RBL2: variants seen among roughly 807,000 people sequenced by gnomAD.
The protein encoded by RBL2 is RB transcriptional corepressor like 2, also known as retinoblastoma-like protein 2.
RBL2 carries 56 observed loss-of-function variants against 126.0 expected under a neutral mutation model. The observed-to-expected ratio is 0.44, with a 90% CI of 0.36 to 0.56. RBL2 has a LOEUF of 0.56. RBL2 is among the 20% of genes least tolerant of loss of function. RBL2 has a pLI of 0.00. For synonymous variants in RBL2, 454 were observed against 478.5 expected (o/e 0.95, Z 0.67); for missense variants, 1,229 against 1,398.2 (o/e 0.88, Z 1.93).
At chr16:53,443,974 C>T (rs150241608) in intron 3 of RBL2, among the ~76,000 whole-genome samples, 1,786 of 152,288 alleles carry the variant, frequency 0.012, 33 homozygotes, top group African/African-American at 0.039. Context: ...CTGAGCCAGG[C>T]GGGTTGGCTC....
At chr16:53,470,352 T>C (rs2058310509) in intron 15 of RBL2, 31 bp from the exon 16 acceptor site, 3 of 1,602,678 alleles carry the variant, frequency 1.9e-6, no homozygotes, top group Non-Finnish European at 2.6e-6. Context: ...ATTATCAACA[T>C]TTTCTTCATG....
At position 53,434,778 on chromosome 16, in the gene RBL2, C is replaced by T; in HGVS notation, c.222C>T (p.Ser74=). The change falls in exon 1 of 22, where the codon AGC becomes AGT. Residue 74 remains serine, a synonymous_variant. Coordinates refer to ENST00000262133, the MANE Select transcript of RBL2 (RefSeq NM_005611.4). Reference sequence around the variant, plus strand: ...CCTGGGACAGCTACCGCAGCATGAGCGAAAGCTACACGCTGGAGGTGCGCT... The same window carrying T: ...CCTGGGACAGCTACCGCAGCATGAGTGAAAGCTACACGCTGGAGGTGCGCT... The part of the protein sequence containing the change: ...AEAWDSYRSM[S]ESYTLEGNDL... 6.6e-7 allele frequency: 1 copy of T among 1,517,432 alleles called. No homozygotes were observed. The highest frequency in any genetic ancestry group is 8.8e-7 in the Non-Finnish European group (1 of 1,136,566). 94.0% of individuals were successfully genotyped at this position (1,517,432 alleles called of 1,614,324 possible). A position where few individuals can be genotyped will look rare whatever the true frequency, so the allele number is the denominator to read the frequency against.
chr16:53,483,543 G>A (rs745475970), intron 21 of RBL2, among the ~76,000 whole-genome samples: 10 of 151,634 alleles, frequency 6.6e-5, no homozygotes, highest in Non-Finnish European at 1.0e-4. Flanking sequence ...CTGTCTGTTT[G>A]GAAAAAAAAG....
intron 21 of RBL2, chr16:53,489,094 G>A (rs1294767315): frequency 6.6e-6 from 1 of 150,932 alleles, no homozygotes; most frequent in Admixed American, 6.6e-5. Context: ...ACTTGTGAAG[G>A]TACATCTGTT....
intron 21 of RBL2, among the ~76,000 whole-genome samples, chr16:53,483,667 G>A (rs541423761): frequency 6.6e-6 from 1 of 152,306 alleles, no homozygotes; most frequent in Admixed American, 6.5e-5. Context: ...GAGATGGGTG[G>A]ATCACCTGAG....
intron 3 of RBL2, among the ~76,000 whole-genome samples, chr16:53,444,427 C>T (rs907582069): frequency 6.6e-6 from 1 of 151,808 alleles, no homozygotes; most frequent in African/African-American, 2.4e-5. Context: ...GTGGTGGGTG[C>T]CTGTAATCCC....
chr16:53,450,616 T>TA (rs1412048421), intron 4 of RBL2, among the ~76,000 whole-genome samples: 1 of 152,212 alleles, frequency 6.6e-6, no homozygotes, highest in Non-Finnish European at 1.5e-5. Flanking sequence ...TGTTCAGTGT[T>TA]AGAGTTCAAC....
At chr16:53,453,366 TTATACTC>T (rs2058134191) in intron 5 of RBL2, 79 bp from the exon 6 acceptor site, 5 of 1,262,656 alleles carry the variant, frequency 4.0e-6, no homozygotes, top group East Asian at 4.7e-5. Flanking sequence ...GGTATACTGA[TTATACTC>T]TATGTTTTAC....
chr16:53,448,815 C>A (rs1317676392), intron 4 of RBL2: 1 of 152,140 alleles, frequency 6.6e-6, no homozygotes. Context: ...GGCAGCTGAG[C>A]CCAGAAACTA....
chr16:53,456,653 C>G (rs2058170350), intron 8 of RBL2, among the ~76,000 whole-genome samples: 1 of 152,238 alleles, frequency 6.6e-6, no homozygotes, highest in African/African-American at 2.4e-5. Flanking sequence ...TCCTCACCCA[C>G]TTATGCCACA....
chr16:53,452,173 TC>T (rs1427722070), intron 5 of RBL2, among the ~76,000 whole-genome samples: 2 of 152,178 alleles, frequency 1.3e-5, no homozygotes, highest in Non-Finnish European at 2.9e-5. Flanking sequence ...TTGTAGGAGA[TC>T]AAAAAGAATT....
chr16:53,435,365 G>A lies in RBL2; in HGVS notation c.240+569G>A, dbSNP rs370933767. 5.9e-5 allele frequency among the ~76,000 whole-genome samples: 9 copies of A among 152,260 alleles called. No homozygotes were observed. The South Asian group carries it at 8.3e-4, about 14-fold the overall frequency. On this transcript the variant is annotated intron_variant, in intron 1 of 21. Coordinates refer to ENST00000262133, the MANE Select transcript of RBL2 (RefSeq NM_005611.4). ...TTTCCCCCCAGGCCAGATGAAATGA[G>A]CCCTCCGCCGACCCGGATGTAGACA...
At chr16:53,453,643 A>G in intron 6 of RBL2, 31 bp downstream of exon 6, 2 of 1,604,336 alleles carry the variant, frequency 1.2e-6, no homozygotes, top group Non-Finnish European at 1.7e-6. Flanking sequence ...TAACGTGAAA[A>G]TGTTTTCTGG....
intron 9 of RBL2, among the ~76,000 whole-genome samples, chr16:53,460,395 TC>T (rs1202884209): frequency 1.3e-5 from 2 of 152,230 alleles, no homozygotes; most frequent in Non-Finnish European, 2.9e-5. Flanking sequence ...CAACTACTTT[TC>T]CTTTACATTT....
Position 53,471,546 on chromosome 16 carries a change from G to A in RBL2, c.2703+624G>A, listed in dbSNP as rs533205524. Among the ~76,000 whole-genome samples the A allele has an allele frequency of 1.5e-4, 23 of 151,602 alleles. 1 individual carries two copies. The South Asian group carries it at 4.8e-3, about 32-fold the overall frequency. ...GTGCAGTGGTGCATCTCAGCTCACT[G>A]CAACCTCTGCCTCCCAGGTTCAAGC... On this transcript the variant is annotated intron_variant, in intron 17 of 21. Coordinates refer to ENST00000262133, the MANE Select transcript of RBL2 (RefSeq NM_005611.4).
At chr16:53,466,937 C>G (rs2058278266) in intron 13 of RBL2, 121 bp from the exon 14 acceptor site, 1 of 727,098 alleles carries the variant, frequency 1.4e-6, no homozygotes, top group Non-Finnish European at 2.2e-6. Context: ...ATGGGAAAGA[C>G]AGCTGATTTT....
chr16:53,470,715 A>T, intron 16 of RBL2, 31 bp from the exon 17 acceptor site: 1 of 1,612,402 alleles, frequency 6.2e-7, no homozygotes, highest in Non-Finnish European at 8.5e-7. Flanking sequence ...TACAAGTGTT[A>T]AACAAAGTTT....
chr16:53,470,395 A>C lies in RBL2; in HGVS notation c.2258A>C (p.Glu753Ala). The change falls in exon 16 of 22, where the codon GAA becomes GCA. Residue 753 changes from glutamate to alanine, a missense_variant. By Grantham distance (107) the Glu-to-Ala change is moderately radical (BLOSUM62 -1). This residue lies in a region of RBL2 where 1,070 missense variants were observed against 1,274.3 expected (regional missense o/e 0.84). Transcript: ENST00000262133. ...VTIPVQGIAN[E>A]NGGITFFPVQ... ...TCTCTGTCACTAGGTATTGCCAATG[A>C]AAATGGAGGGATAACATTCTTCCCT... is the stretch of plus-strand genomic sequence containing the variant. The C allele has an allele frequency of 6.2e-7, 1 of 1,612,446 alleles. No individual in the cohort carries two copies.
intron 11 of RBL2, among the ~76,000 whole-genome samples, chr16:53,463,919 T>C (rs1376119697): frequency 4.6e-5 from 7 of 152,168 alleles, no homozygotes; most frequent in Non-Finnish European, 1.0e-4. Context: ...GAAACATCTT[T>C]CCCTGTCATT....
Sources: allele counts gnomAD v4.1 joint callset (sites outside exome capture counted in the v4.1 genomes callset), GRCh38; gene constraint gnomAD v4.1.1; regional missense constraint gnomAD v4.1.1; transcripts MANE v1.5; gene names NCBI Gene and HGNC (gene_info 2026-07-23, HGNC 2026-07-21).